Variants in SAMD8 observed in about 807,000 individuals in gnomAD.
SAMD8 encodes sterile alpha motif domain containing 8.
A neutral mutation model predicts 42.0 loss-of-function variants in SAMD8; 20 were observed. That is an observed-to-expected ratio of 0.48 (90% CI 0.34 to 0.69). The LOEUF is 0.69. SAMD8 is among the 30% of genes least tolerant of loss of function. The pLI is 0.01. For synonymous variants in SAMD8, 162 were observed against 173.0 expected, an observed-to-expected ratio of 0.94 and a Z score of 0.50; for missense variants, 328 against 511.6, an observed-to-expected ratio of 0.64 and a Z score of 3.46.
At chr10:75,131,845 CT>C (rs1189166051) in intron 1 of SAMD8, among the ~76,000 whole-genome samples, 3 of 152,132 alleles carry the variant, frequency 2.0e-5, no homozygotes, top group Non-Finnish European at 4.4e-5. Context: ...TTTAAATACT[CT>C]AAACATCTTG....
chr10:75,165,204 C>T (rs904345805), intron 3 of SAMD8, among the ~76,000 whole-genome samples: 3 of 151,114 alleles, frequency 2.0e-5, no homozygotes, highest in South Asian at 2.1e-4. Flanking sequence ...GCAGGAGAAT[C>T]GCTTGGACCC....
intron 4 of SAMD8, among the ~76,000 whole-genome samples, chr10:75,169,307 A>C (rs950758346): frequency 2.0e-5 from 3 of 149,784 alleles, no homozygotes; most frequent in Non-Finnish European, 4.4e-5. Flanking sequence ...CAAGATGGTT[A>C]AACCCCATCT....
At chr10:75,138,450 AAC>A (rs998798587) in intron 1 of SAMD8, among the ~76,000 whole-genome samples, 2 of 152,322 alleles carry the variant, frequency 1.3e-5, no homozygotes, top group East Asian at 3.9e-4. Flanking sequence ...AATGTGGTAG[AAC>A]ACATTTGGAT....
intron 1 of SAMD8, among the ~76,000 whole-genome samples, chr10:75,135,405 A>T (rs1321550388): frequency 2.0e-5 from 3 of 150,704 alleles, no homozygotes; most frequent in East Asian, 3.9e-4. Flanking sequence ...GTGAGCTGAG[A>T]TCGTGTCACT....
chr10:75,144,882 C>G (rs1413399389), intron 1 of SAMD8, among the ~76,000 whole-genome samples: 1 of 152,156 alleles, frequency 6.6e-6, no homozygotes, highest in Non-Finnish European at 1.5e-5. Flanking sequence ...AGGTCTTGAA[C>G]TCATAGGCTT....
At chr10:75,164,406 TG>T in intron 2 of SAMD8, 2 of 445,730 alleles carry the variant, frequency 4.5e-6, no homozygotes, top group Non-Finnish European at 5.9e-6. Context: ...TTTTTTCCTC[TG>T]GTATTTGCTG....
Position 75,181,243 on chromosome 10 carries a change from G to GT in SAMD8, c.*4554dup. On this transcript the variant is annotated 3_prime_UTR_variant, in exon 6 of 6. Coordinates refer to ENST00000542569, the MANE Select transcript of SAMD8 (RefSeq NM_001174156.2). ...GTTTAACAGTTAGTGTTTGTAAGCA[G>GT]TTTAGCCTGAATTATCCCATACTGC... 6.6e-6 allele frequency: 1 copy of GT among 152,296 alleles called. No homozygotes were observed. Among genetic ancestry groups the GT allele is most frequent in the African/African-American group, 2.4e-5 (1 of 41,568 alleles). The allele number at this position is 152,296 out of a possible 1,614,324, so 9.4% of individuals were successfully genotyped here. A position where few individuals can be genotyped will look rare whatever the true frequency, so the allele number is the denominator to read the frequency against.
chr10:75,149,909 T>C (rs576297067), intron 1 of SAMD8, among the ~76,000 whole-genome samples: 7 of 152,248 alleles, frequency 4.6e-5, no homozygotes, highest in Admixed American at 6.5e-5. Context: ...CTTCTGCTGT[T>C]GGAGTCATAT....
chr10:75,122,333 T>C (rs550459085), intron 1 of SAMD8, among the ~76,000 whole-genome samples: 5 of 152,082 alleles, frequency 3.3e-5, no homozygotes, highest in Non-Finnish European at 7.4e-5. Flanking sequence ...AATTATAGGC[T>C]GGGCGCAGTG....
chr10:75,113,655 G>A (rs1848819758), intron 1 of SAMD8, among the ~76,000 whole-genome samples: 1 of 152,192 alleles, frequency 6.6e-6, no homozygotes, highest in Non-Finnish European at 1.5e-5. Flanking sequence ...ACCCTCAGAT[G>A]CACAGTGGAA....
intron 2 of SAMD8, among the ~76,000 whole-genome samples, chr10:75,162,167 T>C (rs959284962): frequency 4.6e-5 from 7 of 152,100 alleles, no homozygotes; most frequent in Admixed American, 4.6e-4. Context: ...GAGACCGGCC[T>C]AGCCAACATT....
intron 1 of SAMD8, among the ~76,000 whole-genome samples, chr10:75,122,898 G>C (rs1849036915): frequency 1.3e-5 from 2 of 152,120 alleles, no homozygotes; most frequent in African/African-American, 4.8e-5. Context: ...TTAACATGGT[G>C]AGTTACGTTG....
chr10:75,133,367 C>T (rs1589946344), intron 1 of SAMD8, among the ~76,000 whole-genome samples: 2 of 152,300 alleles, frequency 1.3e-5, no homozygotes, highest in South Asian at 4.1e-4. Flanking sequence ...TGCACCACTG[C>T]ACTCCAGCCT....
intron 1 of SAMD8, among the ~76,000 whole-genome samples, chr10:75,144,635 G>A (rs1840094098): frequency 6.6e-6 from 1 of 151,854 alleles, no homozygotes; most frequent in Non-Finnish European, 1.5e-5. Context: ...TTTTTTCTGT[G>A]TTTTATTTTG....
In SAMD8 at chr10:75,179,773, T is replaced by G. The variant is rs1405120606; in HGVS notation, c.*3081T>G. On this transcript the variant is annotated 3_prime_UTR_variant, in exon 6 of 6. Transcript: ENST00000542569. The stretch of plus-strand genomic sequence containing the variant: ...AATCTAAACCATAGTGAAGATAGTA[T>G]TTATGTTTACATTTTATCTGTGAAT... The G allele has an allele frequency of 6.6e-6, 1 of 152,202 alleles. No individual in the cohort carries two copies. The highest frequency in any genetic ancestry group is 1.5e-5 in the Non-Finnish European group (1 of 68,034). 9.4% of individuals were successfully genotyped at this position (152,202 alleles called of 1,614,324 possible). A position where few individuals can be genotyped will look rare whatever the true frequency, so the allele number is the denominator to read the frequency against.
intron 1 of SAMD8, among the ~76,000 whole-genome samples, chr10:75,143,647 GTTCCTAATGTGTCTGTTTTCTCTTT>G (rs1197240869): frequency 6.6e-6 from 1 of 150,994 alleles, no homozygotes; most frequent in Non-Finnish European, 1.5e-5. Flanking sequence ...TCTTACCTTT[GTTCCTAATGTGTCTGTTTTCTCTTT>G]TTGCTTTTAA....
At chr10:75,152,453 C>T (rs1236042645) in intron 2 of SAMD8, among the ~76,000 whole-genome samples, 2 of 141,384 alleles carry the variant, frequency 1.4e-5, no homozygotes, top group Non-Finnish European at 3.0e-5. Context: ...ACCCGGGAGG[C>T]GGAGCTTGCA....
chr10:75,150,579 A>G lies in SAMD8; in HGVS notation c.51A>G (p.Val17=). The G allele has an allele frequency of 6.2e-7, 1 of 1,614,166 alleles. No homozygotes were observed. ...TTCGCCGCTGGACTACCAAGCATGT[A>G]GCTGTGTGGCTGAAGGATGAAGGCT... ...LCIRRWTTKH[V]AVWLKDEGFF... is the part of the protein sequence containing the mutation. Residue 17 remains valine, a synonymous_variant, in exon 2 of 6, where the codon GTA becomes GTG. Coordinates refer to ENST00000542569, the MANE Select transcript of SAMD8 (RefSeq NM_001174156.2).
intron 3 of SAMD8, among the ~76,000 whole-genome samples, chr10:75,164,988 A>T (rs1445715061): frequency 6.6e-6 from 1 of 152,230 alleles, no homozygotes; most frequent in Non-Finnish European, 1.5e-5. Flanking sequence ...GATCGTGCTC[A>T]TCTCTGATCT....
Sources: allele counts gnomAD v4.1 joint callset (sites outside exome capture counted in the v4.1 genomes callset), GRCh38; gene constraint gnomAD v4.1.1; transcripts MANE v1.5; gene names NCBI Gene and HGNC (gene_info 2026-07-23, HGNC 2026-07-21).